HRH2: variants seen among roughly 807,000 people sequenced by gnomAD.
HRH2 encodes the protein histamine receptor H2.
In HRH2, 4 loss-of-function variants were observed where a neutral mutation model predicts 20.1. The ratio of observed to expected loss-of-function variants is 0.20; its 90% CI spans 0.10 to 0.45. The LOEUF (loss-of-function observed/expected upper bound fraction) is 0.45, where lower values mean the gene tolerates loss of function less well. Ranked by LOEUF, HRH2 falls within the 20% of genes least tolerant of loss-of-function variation. The pLI is 0.99. For synonymous variants in HRH2, 197 were observed against 200.7 expected (o/e 0.98, Z 0.16); for missense variants, 250 against 461.6 (o/e 0.54, Z 4.20).
At chr5:175,660,657 G>T (rs1762712606) in intron 1 of HRH2, among the ~76,000 whole-genome samples, 1 of 152,154 alleles carries the variant, frequency 6.6e-6, no homozygotes, top group South Asian at 2.1e-4. Flanking sequence ...TTCGAGTTCT[G>T]AGAGCAGGGA....
chr5:175,669,643 C>T (rs938988428), intron 1 of HRH2, among the ~76,000 whole-genome samples: 2 of 152,212 alleles, frequency 1.3e-5, no homozygotes, highest in Non-Finnish European at 2.9e-5. Flanking sequence ...GGATTACAGA[C>T]GTGGGCCACG....
intron 1 of HRH2, among the ~76,000 whole-genome samples, chr5:175,679,586 A>G (rs1371230903): frequency 6.6e-6 from 1 of 152,234 alleles, no homozygotes; most frequent in African/African-American, 2.4e-5. Flanking sequence ...GTGCTGTACA[A>G]TCTAACTCGG....
At chr5:175,663,448 G>T (rs987000786) in intron 1 of HRH2, among the ~76,000 whole-genome samples, 2 of 152,202 alleles carry the variant, frequency 1.3e-5, no homozygotes, top group African/African-American at 2.4e-5. Flanking sequence ...GGCCATTTGT[G>T]TATCTTCTTT....
At chr5:175,674,194 G>A (rs1047046527) in intron 1 of HRH2, among the ~76,000 whole-genome samples, 3 of 152,188 alleles carry the variant, frequency 2.0e-5, no homozygotes, top group African/African-American at 7.2e-5. Context: ...AATCAGTGCC[G>A]AGGCTGGTTT....
chr5:175,697,914 C>T (rs1581460875), intron 2 of HRH2, among the ~76,000 whole-genome samples: 3 of 152,332 alleles, frequency 2.0e-5, no homozygotes, highest in African/African-American at 7.2e-5. Flanking sequence ...AAACACCCCT[C>T]ATGGCAACAG....
Position 175,686,510 on chromosome 5 carries a change from G to C in HRH2, c.1076+2201G>C, listed in dbSNP as rs76028151. Among the ~76,000 whole-genome samples the C allele has an allele frequency of 2.1e-3, 323 of 152,312 alleles. 2 individuals carry two copies. Among genetic ancestry groups the C allele is most frequent in the African/African-American group, 7.2e-3 (301 of 41,556 alleles). ...AGTGCTAAGGGCACAAAGTGAGATAGAGCATCTTCCACCCTGTGCCACCCT... is the reference window on the plus strand; with the variant it reads ...AGTGCTAAGGGCACAAAGTGAGATACAGCATCTTCCACCCTGTGCCACCCT... On this transcript the variant is annotated intron_variant, in intron 2 of 2. Coordinates refer to ENST00000636584, the MANE Select transcript of HRH2 (RefSeq NM_001367711.1). The surrounding 1 kb of genome is among the most constrained non-coding windows in gnomAD (Gnocchi z 4.7).
intron 1 of HRH2, among the ~76,000 whole-genome samples, chr5:175,676,712 T>C (rs1236995884): frequency 6.6e-6 from 1 of 152,252 alleles, no homozygotes; most frequent in African/African-American, 2.4e-5. Flanking sequence ...ACTTATTAAG[T>C]AATTTCTTAT....
chr5:175,692,963 G>A (rs1401679224), intron 2 of HRH2, among the ~76,000 whole-genome samples: 2 of 152,226 alleles, frequency 1.3e-5, no homozygotes, highest in African/African-American at 4.8e-5. Flanking sequence ...CAGGAGCCAG[G>A]GGCAGGTGAG....
At chr5:175,659,535 T>A (rs1488856338) in intron 1 of HRH2, among the ~76,000 whole-genome samples, 2 of 152,164 alleles carry the variant, frequency 1.3e-5, no homozygotes, top group African/African-American at 2.4e-5. Flanking sequence ...ACAGCACTCC[T>A]GGGAAACTGG....
chr5:175,668,208 G>A (rs1036397899), intron 1 of HRH2, among the ~76,000 whole-genome samples: 2 of 152,240 alleles, frequency 1.3e-5, no homozygotes, highest in Non-Finnish European at 2.9e-5. Flanking sequence ...TGTGGGCCAA[G>A]CACTGTGGTG....
Position 175,683,130 on chromosome 5 carries a change from C to A in HRH2, c.-104C>A. The A allele has an allele frequency of 4.5e-5, 39 of 862,200 alleles. No homozygotes were observed. Among genetic ancestry groups the A allele is most frequent in the Non-Finnish European group, 6.2e-5 (36 of 584,220 alleles). The allele number at this position is 862,200 out of a possible 1,614,324, so 53.4% of individuals were successfully genotyped here. ...AAAAAAAACTGGACACATTTTGGAT[C>A]TGTTGGGAGCTTGGAGTCCAGTGGT... On this transcript the variant is annotated 5_prime_UTR_variant, in exon 2 of 3. It adds an upstream start codon to the 5' untranslated region. Coordinates refer to ENST00000636584, the MANE Select transcript of HRH2 (RefSeq NM_001367711.1).
At chr5:175,701,881 C>T (rs547157697) in intron 2 of HRH2, among the ~76,000 whole-genome samples, 6 of 152,344 alleles carry the variant, frequency 3.9e-5, no homozygotes, top group African/African-American at 9.6e-5. Context: ...CGTTAACATC[C>T]GCTAAAATAG....
chr5:175,678,051 T>C (rs1755819602), intron 1 of HRH2, among the ~76,000 whole-genome samples: 1 of 152,226 alleles, frequency 6.6e-6, no homozygotes, highest in Admixed American at 6.5e-5. Context: ...TATCGCTTCC[T>C]TGGGGAAGCC....
intron 2 of HRH2, among the ~76,000 whole-genome samples, chr5:175,700,419 A>G (rs1756758553): frequency 6.6e-6 from 1 of 152,186 alleles, no homozygotes; most frequent in Non-Finnish European, 1.5e-5. Context: ...GAAAGATCCA[A>G]TGCCTGCCTT....
intron 1 of HRH2, among the ~76,000 whole-genome samples, chr5:175,676,220 G>A (rs1755755095): frequency 1.3e-5 from 2 of 152,260 alleles, no homozygotes; most frequent in South Asian, 4.1e-4. Flanking sequence ...TAGTCTGAGT[G>A]ATTTTAACAT....
chr5:175,695,181 C>G (rs1756530310), intron 2 of HRH2, among the ~76,000 whole-genome samples: 1 of 152,086 alleles, frequency 6.6e-6, no homozygotes. Flanking sequence ...CTCCCAACAA[C>G]TACCTGGTAA....
Position 175,708,004 on chromosome 5 carries a change from C to T in HRH2, c.*33C>T, listed in dbSNP as rs977834874. On this transcript the variant is annotated 3_prime_UTR_variant, in exon 3 of 3. Coordinates refer to ENST00000636584, the MANE Select transcript of HRH2 (RefSeq NM_001367711.1). ...CCCAGGACACTGAAGATACCGCTCC[C>T]GGTCCCCAAGATGTGACTCCTGGAG... is the stretch of plus-strand genomic sequence containing the variant. 2.5e-5 allele frequency: 10 copies of T among 399,070 alleles called. No homozygotes were observed. The highest frequency in any genetic ancestry group is 1.3e-4 in the Admixed American group (3 of 22,728). 24.7% of individuals were successfully genotyped at this position (399,070 alleles called of 1,614,324 possible). A position where few individuals can be genotyped will look rare whatever the true frequency, so the allele number is the denominator to read the frequency against.
At chr5:175,670,289 T>G (rs1755479967) in intron 1 of HRH2, among the ~76,000 whole-genome samples, 1 of 151,878 alleles carries the variant, frequency 6.6e-6, no homozygotes. Context: ...TTTTTTAAAG[T>G]AACTGGAAAT....
At chr5:175,668,240 T>G (rs1410108858) in intron 1 of HRH2, among the ~76,000 whole-genome samples, 1 of 152,162 alleles carries the variant, frequency 6.6e-6, no homozygotes, top group African/African-American at 2.4e-5. Context: ...ATCACACATG[T>G]GCGCTATTTA....
Sources: allele counts gnomAD v4.1 joint callset (sites outside exome capture counted in the v4.1 genomes callset), GRCh38; gene constraint gnomAD v4.1.1; non-coding constraint Gnocchi (gnomAD v3.1); transcripts MANE v1.5; gene names NCBI Gene and HGNC (gene_info 2026-07-23, HGNC 2026-07-21).